The following VWF variants were observed in gnomAD, a reference collection of about 807,000 sequenced individuals.
VWF encodes the protein von Willebrand factor.
In VWF, 176 loss-of-function variants were observed where a neutral mutation model predicts 308.6. The ratio of observed to expected loss-of-function variants is 0.57; its 90% CI spans 0.50 to 0.65. The LOEUF (loss-of-function observed/expected upper bound fraction) is 0.65, where lower values mean the gene tolerates loss of function less well. VWF is among the 30% of genes least tolerant of loss of function. VWF has a pLI of 0.00. For missense variants in VWF, 3,146 were observed against 3,648.2 expected (o/e 0.86, Z 3.55); for synonymous variants, 1,385 against 1,443.4 (o/e 0.96, Z 0.92).
intron 39 of VWF, 21 bp downstream of exon 39, chr12:5,985,542 C>A (rs970444024): frequency 1.2e-6 from 2 of 1,611,636 alleles, no homozygotes; most frequent in Non-Finnish European, 1.7e-6. Context: ...ATGAAGGCAC[C>A]AGGGAGGGGA....
intron 26 of VWF, among the ~76,000 whole-genome samples, chr12:6,022,244 T>C (rs1944137452): frequency 6.6e-6 from 1 of 151,992 alleles, no homozygotes; most frequent in Non-Finnish European, 1.5e-5. Flanking sequence ...GGAGCGGGGA[T>C]TCCTTCACCC....
intron 43 of VWF, among the ~76,000 whole-genome samples, chr12:5,973,866 A>C (rs1201955005): frequency 6.6e-6 from 1 of 152,166 alleles, no homozygotes; most frequent in African/African-American, 2.4e-5. Context: ...AAATCCCCTC[A>C]AAGGCTTGTA....
chr12:5,950,621 T>C (rs372715152), intron 50 of VWF, among the ~76,000 whole-genome samples: 8 of 152,098 alleles, frequency 5.3e-5, no homozygotes, highest in East Asian at 1.9e-4. Context: ...GATAATTTCA[T>C]TGTAAAGGGA....
chr12:6,011,710 C>A lies in VWF; in HGVS notation c.5749G>T (p.Val1917Phe). ...GGCCTCAGCCCCCGGTCACAGTTGA[C>A]CCGATGACTCTTCAGCAAGGTCTGG... ...DGQTLLKSHRVNCDRGLRPSC... is the reference protein window; with the variant it reads ...DGQTLLKSHRFNCDRGLRPSC... Residue 1917 changes from valine to phenylalanine, a missense_variant, in exon 34 of 52, where the codon GTC becomes TTC. Transcript: ENST00000261405. 2 of 1,613,898 alleles carry A rather than the reference C, an allele frequency of 1.2e-6. No individual in the cohort carries two copies. The highest frequency in any genetic ancestry group is 1.1e-5 in the South Asian group (1 of 91,044).
chr12:6,065,233 A>G lies in VWF; in HGVS notation c.1197T>C (p.Phe399=). Residue 399 remains phenylalanine (F), a synonymous_variant, in exon 11 of 52, where the codon TTT becomes TTC. Transcript: ENST00000261405. ...CACTGAAGGTGAAGTATCTGTTGTCAAAGCTCTTGAAGTGTGATTGACCTG... is the reference window on the plus strand; with the variant it reads ...CACTGAAGGTGAAGTATCTGTTGTCGAAGCTCTTGAAGTGTGATTGACCTG... ...LVTGQSHFKS[F]DNRYFTFSGI... is the part of the protein sequence containing the mutation. The G allele has an allele frequency of 6.2e-7, 1 of 1,614,192 alleles. No individual in the cohort carries two copies. The highest frequency in any genetic ancestry group is 8.5e-7 in the Non-Finnish European group (1 of 1,180,038).
At chr12:6,109,799 C>T (rs1461041997) in intron 5 of VWF, among the ~76,000 whole-genome samples, 2 of 152,098 alleles carry the variant, frequency 1.3e-5, no homozygotes, top group Admixed American at 6.6e-5. Flanking sequence ...TACAGGCACC[C>T]GCCACCACGC....
chr12:6,066,249 G>A (rs1166161499), intron 10 of VWF, among the ~76,000 whole-genome samples: 1 of 152,206 alleles, frequency 6.6e-6, no homozygotes, highest in Non-Finnish European at 1.5e-5. Context: ...TGTCTCCAGT[G>A]ATTCTCCATC....
intron 38 of VWF, 25 bp from the exon 39 acceptor site, chr12:5,985,690 AGG>A (rs747922197): frequency 3.5e-4 from 558 of 1,603,996 alleles, no homozygotes; most frequent in Non-Finnish European, 4.6e-4. Flanking sequence ...AGGTTCAGAA[AGG>A]GCACAGGACA....
At chr12:6,002,471 CA>C (rs1269458629) in intron 34 of VWF, among the ~76,000 whole-genome samples, 1 of 151,622 alleles carries the variant, frequency 6.6e-6, no homozygotes, top group African/African-American at 2.4e-5. Flanking sequence ...TATATACAAA[CA>C]ATAAACAAAA....
chr12:6,031,619 C>A (rs759362231), intron 20 of VWF, 41 bp from the exon 21 acceptor site: 3 of 1,613,672 alleles, frequency 1.9e-6, no homozygotes, highest in South Asian at 1.1e-5. Flanking sequence ...ATTATCCCCA[C>A]TGGCTCTCAC....
At chr12:5,951,786 G>C in intron 50 of VWF, 58 bp downstream of exon 50, 1 of 1,591,124 alleles carries the variant, frequency 6.3e-7, no homozygotes, top group South Asian at 1.1e-5. Flanking sequence ...AAGCTGCAAA[G>C]AGCCCCTGGA....
Position 6,092,624 on chromosome 12 carries a change from T to TGAGAGAGAGAGAGAGAGAGAGAGAGAGA in VWF, c.657+2835_657+2836insTCTCTCTCTCTCTCTCTCTCTCTCTCTC, listed in dbSNP as rs1180180618. Among the ~76,000 whole-genome samples, 19 of 87,064 alleles carry TGAGAGAGAGAGAGAGAGAGAGAGAGAGA rather than the reference T, an allele frequency of 2.2e-4. 1 individual carries two copies. The highest frequency in any genetic ancestry group is 1.2e-3 in the African/African-American group (18 of 15,622). The allele number at this position is 87,064 out of a possible 152,430, so 57.1% of individuals were successfully genotyped here. The stretch of plus-strand genomic sequence containing the variant: ...TAGTTAGTGAGTGAGTGAGAGTGTG[T>TGAGAGAGAGAGAGAGAGAGAGAGAGAGA]GTGTGTGTGTGTGTGTGTGTGTGTG... On this transcript the variant is annotated intron_variant, in intron 6 of 51. Coordinates refer to ENST00000261405, the MANE Select transcript of VWF (RefSeq NM_000552.5).
intron 11 of VWF, 82 bp from the exon 12 acceptor site, chr12:6,064,466 A>G (rs1382814629): frequency 6.3e-7 from 1 of 1,583,626 alleles, no homozygotes; most frequent in African/African-American, 1.3e-5. Flanking sequence ...TAATCAGAGA[A>G]AGGCCTCAAC....
Position 6,073,734 on chromosome 12 carries a change from C to T in VWF, c.882G>A (p.Val294=). ...GCCTATACTCCATACCAGCAGGGCACACTGGGCCTGAAAAGGAACATCAAA... is the reference window on the plus strand; with the variant it reads ...GCCTATACTCCATACCAGCAGGGCATACTGGGCCTGAAAAGGAACATCAAA... ...GWTDHSACSP[V]CPAGMEYRQC... Residue 294 remains valine (V), a synonymous_variant, in exon 8 of 52, where the codon GTG becomes GTA. Coordinates refer to ENST00000261405, the MANE Select transcript of VWF (RefSeq NM_000552.5). The T allele has an allele frequency of 6.2e-7, 1 of 1,614,016 alleles. No homozygotes were observed. The highest frequency in any genetic ancestry group is 8.5e-7 in the Non-Finnish European group (1 of 1,180,012).
At chr12:6,034,579 G>A (rs753092715) in intron 20 of VWF, 109 bp downstream of exon 20, 209 of 1,549,806 alleles carry the variant, frequency 1.3e-4, no homozygotes, top group Non-Finnish European at 1.6e-4. Context: ...GTAGAAACCA[G>A]ACCCCAGAGT....
intron 16 of VWF, among the ~76,000 whole-genome samples, chr12:6,049,454 A>G (rs1178114551): frequency 6.6e-6 from 1 of 152,186 alleles, no homozygotes; most frequent in Non-Finnish European, 1.5e-5. Flanking sequence ...TTTTAGTGAA[A>G]TAGCCAGCAA....
chr12:6,076,894 C>A (rs575108677), intron 6 of VWF, among the ~76,000 whole-genome samples: 1 of 152,194 alleles, frequency 6.6e-6, no homozygotes, highest in Non-Finnish European at 1.5e-5. Context: ...ATCTGCTCAC[C>A]GTTCTCGAAA....
At chr12:5,986,900 T>C (rs1943685878) in intron 38 of VWF, among the ~76,000 whole-genome samples, 1 of 141,778 alleles carries the variant, frequency 7.1e-6, no homozygotes, top group East Asian at 2.1e-4. Context: ...TGTTTCTTTG[T>C]TATTTTATGT....
At chr12:6,015,782 G>A (rs993623882) in intron 31 of VWF, among the ~76,000 whole-genome samples, 4 of 152,138 alleles carry the variant, frequency 2.6e-5, no homozygotes, top group Non-Finnish European at 5.9e-5. Context: ...AAGAGACCAC[G>A]AATCCTACTT....
Sources: allele counts gnomAD v4.1 joint callset (sites outside exome capture counted in the v4.1 genomes callset), GRCh38; gene constraint gnomAD v4.1.1; transcripts MANE v1.5; gene names NCBI Gene and HGNC (gene_info 2026-07-23, HGNC 2026-07-21).